SGCZ: variants seen among roughly 807,000 people sequenced by gnomAD.
SGCZ encodes zeta-sarcoglycan.
Under a neutral mutation model 41.3 loss-of-function variants are expected in SGCZ, and 40 were observed. The ratio of observed to expected loss-of-function variants is 0.97; its 90% CI spans 0.75 to 1.26. The LOEUF is 1.26. Ranked by LOEUF, SGCZ falls within the 50% of genes most tolerant of loss-of-function variation. The probability of loss-of-function intolerance (pLI) is 0.00; values close to 1 mark genes in which losing one functional copy is unlikely to be tolerated. For missense variants in SGCZ, 552 were observed against 369.8 expected, an observed-to-expected ratio of 1.49 and a Z score of -4.04; for synonymous variants, 206 against 137.5, an observed-to-expected ratio of 1.50 and a Z score of -3.49.
intron 1 of SGCZ, among the ~76,000 whole-genome samples, chr8:15,112,746 C>A (rs953750122): frequency 6.6e-6 from 1 of 152,202 alleles, no homozygotes; most frequent in Non-Finnish European, 1.5e-5. Context: ...CTAGCACCAA[C>A]TTACCAGCCA....
chr8:14,385,454 G>A (rs12114566), intron 2 of SGCZ, among the ~76,000 whole-genome samples: 3,189 of 152,180 alleles, frequency 0.021, 85 homozygotes, highest in African/African-American at 0.059. Flanking sequence ...TGCCCTCACT[G>A]GCCACTTAGT....
intron 2 of SGCZ, among the ~76,000 whole-genome samples, chr8:14,445,168 T>C (rs115029876): frequency 0.039 from 6,000 of 152,036 alleles, 178 homozygotes; most frequent in African/African-American, 0.078. Context: ...TGGCAGGAGG[T>C]AGACAAATGC....
At chr8:14,949,666 A>G (rs1800566359) in intron 1 of SGCZ, among the ~76,000 whole-genome samples, 1 of 152,102 alleles carries the variant, frequency 6.6e-6, no homozygotes, top group African/African-American at 2.4e-5. Flanking sequence ...GGCACATTTA[A>G]TTTTGGCCTA....
At chr8:15,233,474 A>G (rs1802023395) in intron 1 of SGCZ, among the ~76,000 whole-genome samples, 1 of 151,954 alleles carries the variant, frequency 6.6e-6, no homozygotes, top group South Asian at 2.1e-4. Context: ...TTAAATACCT[A>G]TGTATTTTTT....
rs532031017 is a variant in SGCZ at position 15,091,273 on chromosome 8, G to A, written c.39+146312C>T. 2.0e-4 allele frequency among the ~76,000 whole-genome samples: 31 copies of A among 152,270 alleles called. No individual in the cohort carries two copies. The South Asian group carries it at 6.4e-3, about 32-fold the overall frequency. Reference sequence around the variant, plus strand: ...GGGCTCAAGTGGTCCTCCCAACTTAGCCTCCTGAGTAGCTGAGACTAATAG... The same window carrying A: ...GGGCTCAAGTGGTCCTCCCAACTTAACCTCCTGAGTAGCTGAGACTAATAG... On this transcript the variant is annotated intron_variant, in intron 1 of 7. Transcript: ENST00000382080.
intron 4 of SGCZ, among the ~76,000 whole-genome samples, chr8:14,225,622 C>A (rs1373368292): frequency 6.6e-6 from 1 of 151,988 alleles, no homozygotes; most frequent in East Asian, 1.9e-4. Flanking sequence ...TGGGTGTTAT[C>A]CACATATATG....
chr8:14,685,271 T>C (rs796340147), intron 1 of SGCZ, among the ~76,000 whole-genome samples: 5 of 152,246 alleles, frequency 3.3e-5, no homozygotes, highest in African/African-American at 1.2e-4. Flanking sequence ...ATAATTATTA[T>C]GTGGTATTTT....
In SGCZ at chr8:14,273,620, G is replaced by C. The variant is rs1020980751; in HGVS notation, c.337-35941C>G. 2.2e-4 allele frequency among the ~76,000 whole-genome samples: 33 copies of C among 152,138 alleles called. 1 individual carries two copies. The highest frequency in any genetic ancestry group is 7.5e-4 in the African/African-American group (31 of 41,520). ...AAAGTTTTATACATTTTTGCATATTGTGTTTTAAACCTTTAACAAGAAAAT... is the reference window on the plus strand; with the variant it reads ...AAAGTTTTATACATTTTTGCATATTCTGTTTTAAACCTTTAACAAGAAAAT... On this transcript the variant is annotated intron_variant, in intron 3 of 7. Transcript: ENST00000382080.
chr8:15,012,406 T>C (rs1468613644), intron 1 of SGCZ, among the ~76,000 whole-genome samples: 1 of 150,204 alleles, frequency 6.7e-6, no homozygotes, highest in Non-Finnish European at 1.5e-5. Flanking sequence ...CATGCTGCAG[T>C]GAGCTATGAT....
intron 1 of SGCZ, among the ~76,000 whole-genome samples, chr8:14,958,715 T>A (rs1038933324): frequency 1.1e-4 from 16 of 152,072 alleles, no homozygotes; most frequent in Admixed American, 1.0e-3. Flanking sequence ...CATGTAAATT[T>A]TATCTCAAAA....
intron 1 of SGCZ, among the ~76,000 whole-genome samples, chr8:15,038,206 T>C (rs992348238): frequency 5.3e-5 from 8 of 152,134 alleles, no homozygotes; most frequent in African/African-American, 1.2e-4. Context: ...CTTCAAAATA[T>C]ACTACAAAGC....
intron 1 of SGCZ, among the ~76,000 whole-genome samples, chr8:14,935,041 G>A (rs1483868874): frequency 6.7e-6 from 1 of 150,152 alleles, no homozygotes; most frequent in Admixed American, 6.6e-5. Flanking sequence ...ACTTTTAAAG[G>A]TGAAAACTGA....
intron 2 of SGCZ, among the ~76,000 whole-genome samples, chr8:14,357,464 T>C (rs1803339164): frequency 6.6e-6 from 1 of 152,208 alleles, no homozygotes; most frequent in African/African-American, 2.4e-5. Context: ...ATTCAAATAT[T>C]CCATTTTGTC....
intron 7 of SGCZ, among the ~76,000 whole-genome samples, chr8:14,100,584 AAT>A (rs1801987866): frequency 1.1e-5 from 1 of 93,992 alleles, no homozygotes; most frequent in Non-Finnish European, 2.2e-5. Context: ...ATTTTCAAAT[AAT>A]ATATTATATT....
intron 1 of SGCZ, among the ~76,000 whole-genome samples, chr8:14,793,528 T>TGGTA (rs1801026646): frequency 6.6e-6 from 1 of 151,872 alleles, no homozygotes; most frequent in South Asian, 2.1e-4. Flanking sequence ...ACTCAAAAGG[T>TGGTA]GGTAGATAGA....
intron 1 of SGCZ, among the ~76,000 whole-genome samples, chr8:14,630,179 G>C (rs149525405): frequency 3.3e-5 from 5 of 151,758 alleles, no homozygotes; most frequent in South Asian, 2.1e-4. Context: ...TAACAGTATA[G>C]TATGCTCCTC....
At chr8:14,974,677 A>G (rs929698047) in intron 1 of SGCZ, among the ~76,000 whole-genome samples, 3 of 151,984 alleles carry the variant, frequency 2.0e-5, no homozygotes, top group Admixed American at 2.0e-4. Flanking sequence ...GCTGCACTGA[A>G]CTCTGTATTA....
At chr8:14,102,633 A>G in intron 6 of SGCZ, 134 bp from the exon 7 acceptor site, 1 of 812,274 alleles carries the variant, frequency 1.2e-6, no homozygotes, top group Non-Finnish European at 1.6e-6. Flanking sequence ...CATAAAGGAA[A>G]AGTCCTACCA....
chr8:14,921,461 T>G (rs1424816345), intron 1 of SGCZ, among the ~76,000 whole-genome samples: 1 of 152,102 alleles, frequency 6.6e-6, no homozygotes, highest in Non-Finnish European at 1.5e-5. Flanking sequence ...TAATACATTT[T>G]TATAACATAA....
Sources: allele counts gnomAD v4.1 joint callset (sites outside exome capture counted in the v4.1 genomes callset), GRCh38; gene constraint gnomAD v4.1.1; transcripts MANE v1.5; gene names NCBI Gene and HGNC (gene_info 2026-07-23, HGNC 2026-07-21).